Variants in HS3ST4 observed in about 807,000 individuals in gnomAD.
The protein encoded by HS3ST4 is heparan sulfate glucosamine 3-O-sulfotransferase 4.
Under a neutral mutation model 29.2 loss-of-function variants are expected in HS3ST4, and 17 were observed. The ratio of observed to expected loss-of-function variants is 0.58; its 90% CI spans 0.40 to 0.87. The LOEUF (loss-of-function observed/expected upper bound fraction) is 0.87. Ranked by LOEUF, HS3ST4 falls within the 40% of genes least tolerant of loss-of-function variation. The probability of loss-of-function intolerance (pLI) is 0.00; values close to 1 mark genes in which losing one functional copy is unlikely to be tolerated. For synonymous variants in HS3ST4, 314 were observed against 285.7 expected (o/e 1.10, Z -1.00); for missense variants, 627 against 634.5 (o/e 0.99, Z 0.13).
intron 1 of HS3ST4, among the ~76,000 whole-genome samples, chr16:25,895,344 C>G (rs12447945): frequency 6.6e-6 from 1 of 151,972 alleles, no homozygotes; most frequent in East Asian, 1.9e-4. Context: ...GGTCTGGGGA[C>G]GACATATGAG....
At chr16:26,100,803 A>G (rs1253466065) in intron 1 of HS3ST4, among the ~76,000 whole-genome samples, 1 of 152,132 alleles carries the variant, frequency 6.6e-6, no homozygotes, top group African/African-American at 2.4e-5. Flanking sequence ...TAACTCCATT[A>G]CTGTTTTCAT....
chr16:25,898,660 C>T (rs565654657), intron 1 of HS3ST4, among the ~76,000 whole-genome samples: 2 of 152,122 alleles, frequency 1.3e-5, no homozygotes, highest in African/African-American at 4.8e-5. Context: ...ATAAGGTCAC[C>T]GGAAGCATGA....
At chr16:25,784,138 A>G (rs1966855163) in intron 1 of HS3ST4, among the ~76,000 whole-genome samples, 1 of 152,220 alleles carries the variant, frequency 6.6e-6, no homozygotes, top group African/African-American at 2.4e-5. Flanking sequence ...AACCTTGGCC[A>G]TATAAGACAG....
intron 1 of HS3ST4, among the ~76,000 whole-genome samples, chr16:25,846,434 T>C (rs1402981834): frequency 6.6e-6 from 1 of 152,002 alleles, no homozygotes; most frequent in African/African-American, 2.4e-5. Context: ...CGCAGGAGGC[T>C]AAGGTGGGAG....
chr16:25,733,892 G>T (rs1423275118), intron 1 of HS3ST4, among the ~76,000 whole-genome samples: 2 of 152,234 alleles, frequency 1.3e-5, no homozygotes, highest in Admixed American at 6.5e-5. Flanking sequence ...GCAGAAGCAG[G>T]CAGATCACGA....
chr16:25,848,296 G>A (rs1046586504), intron 1 of HS3ST4, among the ~76,000 whole-genome samples: 2 of 151,904 alleles, frequency 1.3e-5, no homozygotes, highest in African/African-American at 4.8e-5. Context: ...GTGCCACCAC[G>A]TCCGGCTAAT....
At chr16:25,715,464 ATGTGGTTTGTG>A (rs1243666014) in intron 1 of HS3ST4, among the ~76,000 whole-genome samples, 1 of 151,578 alleles carries the variant, frequency 6.6e-6, no homozygotes, top group Non-Finnish European at 1.5e-5. Context: ...GAAAGAAAAT[ATGTGGTTTGTG>A]TGTGGTTATT....
At position 26,135,778 on chromosome 16, in the gene HS3ST4, A is replaced by G; in HGVS notation, c.901A>G (p.Thr301Ala). 6.2e-7 allele frequency: 1 copy of G among 1,614,044 alleles called. No individual in the cohort carries two copies. Among genetic ancestry groups the G allele is most frequent in the East Asian group, 2.2e-5 (1 of 44,866 alleles). Residue 301 changes from threonine (T) to alanine (A), a missense_variant, in exon 2 of 2, where the codon ACA (threonine) becomes GCA (alanine). By Grantham distance (58) the Thr-to-Ala change is moderately conservative. Around this residue, in one of 2 missense-constraint regions of HS3ST4, gnomAD observed 225 missense variants for 293.7 expected, o/e 0.77. Transcript: ENST00000331351. ...CAGGGCCATCTCTGACTACACGCAGACACTGTCAAAGAAACCCGAGATCCC... is the reference window on the plus strand; with the variant it reads ...CAGGGCCATCTCTGACTACACGCAGGCACTGTCAAAGAAACCCGAGATCCC... ...VTRAISDYTQ[T>A]LSKKPEIPTF...
intron 1 of HS3ST4, among the ~76,000 whole-genome samples, chr16:26,054,643 A>G (rs899947511): frequency 6.6e-6 from 1 of 152,146 alleles, no homozygotes; most frequent in Admixed American, 6.5e-5. Flanking sequence ...CTGGAGTGGG[A>G]CAGCACCAGG....
chr16:25,973,490 A>G (rs1968915863), intron 1 of HS3ST4, among the ~76,000 whole-genome samples: 1 of 152,212 alleles, frequency 6.6e-6, no homozygotes, highest in Non-Finnish European at 1.5e-5. Context: ...CCCTTCTCCA[A>G]GATGTGCCCA....
At chr16:25,777,289 C>T (rs746304244) in intron 1 of HS3ST4, among the ~76,000 whole-genome samples, 6 of 152,176 alleles carry the variant, frequency 3.9e-5, no homozygotes, top group Admixed American at 1.3e-4. Flanking sequence ...CCAATATCCC[C>T]CACACCTCTA....
At chr16:25,908,829 G>A (rs1226689335) in intron 1 of HS3ST4, among the ~76,000 whole-genome samples, 1 of 152,236 alleles carries the variant, frequency 6.6e-6, no homozygotes, top group African/African-American at 2.4e-5. Flanking sequence ...AACAACCAAG[G>A]AAGGCATCAG....
chr16:25,692,152 G>C lies in HS3ST4; in HGVS notation c.-266G>C, dbSNP rs1966252003. 6.7e-6 allele frequency: 1 copy of C among 149,252 alleles called. No homozygotes were observed. The highest frequency in any genetic ancestry group is 2.5e-5 in the African/African-American group (1 of 40,686). 9.2% of individuals were successfully genotyped at this position (149,252 alleles called of 1,614,324 possible). ...GCCCCCCTCGGTCCCCTTGCCTGAG[G>C]CTGAGGGGGGGGCGGTGGTGGGGGG... On this transcript the variant is annotated 5_prime_UTR_variant, in exon 1 of 2. Transcript: ENST00000331351.
chr16:26,065,320 G>T (rs1898529736), intron 1 of HS3ST4, among the ~76,000 whole-genome samples: 1 of 152,224 alleles, frequency 6.6e-6, no homozygotes, highest in Non-Finnish European at 1.5e-5. Flanking sequence ...CATGTCCTTT[G>T]CAGGGACATG....
intron 1 of HS3ST4, among the ~76,000 whole-genome samples, chr16:25,799,660 A>T (rs1035727262): frequency 6.6e-6 from 1 of 152,208 alleles, no homozygotes; most frequent in South Asian, 2.1e-4. Flanking sequence ...GGTCTTGGGC[A>T]TATGATTGAG....
intron 1 of HS3ST4, among the ~76,000 whole-genome samples, chr16:25,774,574 G>A (rs1206303002): frequency 2.6e-5 from 4 of 152,160 alleles, no homozygotes; most frequent in Admixed American, 1.3e-4. Flanking sequence ...TGTGACCTTG[G>A]ACAAGTTACT....
chr16:25,815,575 G>A (rs1305853135), intron 1 of HS3ST4, among the ~76,000 whole-genome samples: 2 of 152,038 alleles, frequency 1.3e-5, no homozygotes, highest in East Asian at 1.9e-4. Flanking sequence ...CCACCCCCTT[G>A]ACCCCCCACA....
intron 1 of HS3ST4, among the ~76,000 whole-genome samples, chr16:25,871,463 A>G (rs1038142841): frequency 6.6e-6 from 1 of 152,200 alleles, no homozygotes; most frequent in African/African-American, 2.4e-5. Context: ...GGAGTTTGAT[A>G]GATTCAGGAG....
At chr16:26,106,501 T>G (rs142585526) in intron 1 of HS3ST4, among the ~76,000 whole-genome samples, 307 of 152,322 alleles carry the variant, frequency 2.0e-3, no homozygotes, top group Middle Eastern at 0.014. Flanking sequence ...AGGAGCATGT[T>G]CAAGGACACT....
Sources: allele counts gnomAD v4.1 joint callset (sites outside exome capture counted in the v4.1 genomes callset), GRCh38; gene constraint gnomAD v4.1.1; regional missense constraint gnomAD v4.1.1; transcripts MANE v1.5; gene names NCBI Gene and HGNC (gene_info 2026-07-23, HGNC 2026-07-21).